ADGRV1: variants seen among roughly 807,000 people sequenced by gnomAD.
ADGRV1 encodes adhesion G protein-coupled receptor V1, also known as G-protein coupled receptor 98.
A neutral mutation model predicts 596.2 loss-of-function variants in ADGRV1; 359 were observed. That is an observed-to-expected ratio of 0.60 (90% CI 0.55 to 0.66). The LOEUF (loss-of-function observed/expected upper bound fraction) is 0.66. ADGRV1 is among the 30% of genes least tolerant of loss of function. The pLI, the probability that ADGRV1 is intolerant of heterozygous loss-of-function variation, is 0.00. For synonymous variants in ADGRV1, 2,681 were observed against 2,679.2 expected (o/e 1.00, Z -0.02); for missense variants, 7,274 against 7,575.6 (o/e 0.96, Z 1.48).
chr5:91,095,863 A>C (rs1233412607), intron 86 of ADGRV1, among the ~76,000 whole-genome samples: 1 of 151,744 alleles, frequency 6.6e-6, no homozygotes, highest in African/African-American at 2.4e-5. Flanking sequence ...GCTCACCGCA[A>C]CCTCCACCTC....
chr5:91,153,363 A>G lies in ADGRV1; in HGVS notation c.18767A>G (p.Gln6256Arg). The change falls in exon 89 of 90, where the codon CAG (glutamine) becomes CGG (arginine). Residue 6256 changes from glutamine to arginine, a missense_variant. By Grantham distance (43) the Gln-to-Arg change is conservative (BLOSUM62 1). Around this residue, in one of 5 missense-constraint regions of ADGRV1, gnomAD observed 1,874 missense variants for 1,970.2 expected, o/e 0.95. Transcript: ENST00000405460. ...QGSLIADEES[Q>R]EFDDLIFALK... The stretch of plus-strand genomic sequence containing the variant: ...TCACTGATAGCCGATGAGGAGTCCC[A>G]GGAGTTTGATGATTTAATATTTGCA... The G allele has an allele frequency of 6.2e-7, 1 of 1,610,208 alleles. No individual in the cohort carries two copies. The highest frequency in any genetic ancestry group is 8.5e-7 in the Non-Finnish European group (1 of 1,178,154).
chr5:90,854,930 A>G (rs1036879295), intron 81 of ADGRV1, among the ~76,000 whole-genome samples: 1 of 152,224 alleles, frequency 6.6e-6, no homozygotes, highest in Non-Finnish European at 1.5e-5. Context: ...TCTTAAAAAA[A>G]TTCCACTTGA....
intron 75 of ADGRV1, among the ~76,000 whole-genome samples, chr5:90,816,242 T>C (rs1171747606): frequency 6.6e-6 from 1 of 152,158 alleles, no homozygotes; most frequent in African/African-American, 2.4e-5. Context: ...GTGGAAGTGT[T>C]GTTTCTTTAG....
chr5:90,613,186 G>A lies in ADGRV1; in HGVS notation c.23-1649G>A, dbSNP rs639607. Reference sequence around the variant, plus strand: ...CTGTCACGTCTCCTGTTCAAGGACTGTAGATTTTTCTTTCAAAATCACAGT... The same window carrying A: ...CTGTCACGTCTCCTGTTCAAGGACTATAGATTTTTCTTTCAAAATCACAGT... On this transcript the variant is annotated intron_variant, in intron 1 of 89. Coordinates refer to ENST00000405460, the MANE Select transcript of ADGRV1 (RefSeq NM_032119.4). Among the ~76,000 whole-genome samples, 53 of 152,178 alleles carry A rather than the reference G, an allele frequency of 3.5e-4. 1 individual carries two copies. In the South Asian group the frequency reaches 0.01, roughly 30 times the overall value.
At position 90,614,864 on chromosome 5, in the gene ADGRV1, C is replaced by T. The variant is rs765053836; in HGVS notation, c.52C>T (p.Leu18Phe). Reference protein sequence around the residue: ...GMPSASLLVNLLSALLILFVF... With the variant: ...GMPSASLLVNFLSALLILFVF... Reference sequence around the variant, plus strand: ...GCCCTCTGCATCTTTATTAGTAAATCTTCTTTCAGCTTTACTCATCCTATT... The same window carrying T: ...GCCCTCTGCATCTTTATTAGTAAATTTTCTTTCAGCTTTACTCATCCTATT... The change falls in exon 2 of 90, where the codon CTT becomes TTT. Residue 18 changes from leucine (L) to phenylalanine (F), a missense_variant. Physicochemically the swap from Leu to Phe is conservative, Grantham distance 22. Around this residue, in one of 5 missense-constraint regions of ADGRV1, gnomAD observed 1,715 missense variants for 1,708.8 expected, o/e 1.00. Coordinates refer to ENST00000405460, the MANE Select transcript of ADGRV1 (RefSeq NM_032119.4). 16 of 1,610,020 alleles carry T rather than the reference C, an allele frequency of 9.9e-6. 1 individual carries two copies. The South Asian group carries it at 1.8e-4, about 18-fold the overall frequency.
intron 2 of ADGRV1, among the ~76,000 whole-genome samples, chr5:90,616,337 T>C (rs1451687913): frequency 6.6e-6 from 1 of 152,116 alleles, no homozygotes; most frequent in Non-Finnish European, 1.5e-5. Flanking sequence ...ACTGAGAATC[T>C]TACCAGTAAT....
At chr5:91,103,633 T>G (rs895810336) in intron 87 of ADGRV1, among the ~76,000 whole-genome samples, 6 of 152,180 alleles carry the variant, frequency 3.9e-5, no homozygotes, top group African/African-American at 1.4e-4. Context: ...GATTTTCAAA[T>G]AGTTGCTTCA....
chr5:91,108,376 G>A (rs1038724872), intron 87 of ADGRV1, among the ~76,000 whole-genome samples: 30 of 151,994 alleles, frequency 2.0e-4, no homozygotes, highest in African/African-American at 6.3e-4. Flanking sequence ...AGCATATTAT[G>A]TATCTTATAC....
intron 81 of ADGRV1, 76 bp downstream of exon 81, chr5:90,854,277 C>T (rs1766814676): frequency 5.5e-6 from 6 of 1,090,810 alleles, no homozygotes; most frequent in South Asian, 1.7e-5. Flanking sequence ...ATGTTTTGTA[C>T]TGAGCATAGA....
chr5:90,935,233 A>T (rs1310678466), intron 83 of ADGRV1, among the ~76,000 whole-genome samples: 1 of 152,230 alleles, frequency 6.6e-6, no homozygotes, highest in Non-Finnish European at 1.5e-5. Flanking sequence ...AGGCTCTCCA[A>T]TGAGAAATTA....
chr5:90,750,668 A>T lies in ADGRV1; in HGVS notation c.11092A>T (p.Ile3698Phe). ...ITIAWEADGS[I>F]SDIFPTSGVI... is the part of the protein sequence containing the mutation. ...CATAGCATGGGAAGCTGATGGAAGTATTAGTGATATATTTCCTACCTCAGG... is the reference window on the plus strand; with the variant it reads ...CATAGCATGGGAAGCTGATGGAAGTTTTAGTGATATATTTCCTACCTCAGG... Residue 3698 changes from isoleucine to phenylalanine, a missense_variant, in exon 53 of 90, where the codon ATT becomes TTT. Transcript: ENST00000405460. The T allele has an allele frequency of 1.2e-6, 2 of 1,612,612 alleles. No individual in the cohort carries two copies. Among genetic ancestry groups the T allele is most frequent in the Non-Finnish European group, 1.7e-6 (2 of 1,178,726 alleles).
At chr5:90,797,603 A>G (rs1760888004) in intron 70 of ADGRV1, among the ~76,000 whole-genome samples, 1 of 152,184 alleles carries the variant, frequency 6.6e-6, no homozygotes, top group South Asian at 2.1e-4. Flanking sequence ...TCAGGACTTG[A>G]ACTCAGCTCT....
chr5:90,855,983 G>A, intron 82 of ADGRV1, 82 bp downstream of exon 82: 1 of 1,122,310 alleles, frequency 8.9e-7, no homozygotes, highest in South Asian at 1.4e-5. Context: ...TTTTACGTAT[G>A]CAAGATGCAA....
chr5:91,124,362 T>G (rs1455748808), intron 87 of ADGRV1, among the ~76,000 whole-genome samples: 1 of 152,202 alleles, frequency 6.6e-6, no homozygotes, highest in Non-Finnish European at 1.5e-5. Context: ...AATAAAATTT[T>G]TAAATGTTTG....
At chr5:90,588,754 A>G (rs906805931) in intron 1 of ADGRV1, among the ~76,000 whole-genome samples, 1 of 152,222 alleles carries the variant, frequency 6.6e-6, no homozygotes, top group African/African-American at 2.4e-5. Context: ...TAAACCACAA[A>G]TGAATATCTA....
rs2149696214 is a variant in ADGRV1, at chr5:90,706,252, C to A, written c.8588C>A (p.Thr2863Asn). 1 of 1,612,340 alleles carries A rather than the reference C, an allele frequency of 6.2e-7. No individual in the cohort carries two copies. The highest frequency in any genetic ancestry group is 8.5e-7 in the Non-Finnish European group (1 of 1,179,288). ...GSLGAINVTY[T>N]TVPGMLSLKN... ...TTAGGAGCTATCAATGTCACATATA[C>A]CACGGTTCCTGGAATGCTGAGTCTG... Residue 2863 changes from threonine (T) to asparagine (N), a missense_variant, in exon 38 of 90, where the codon ACC becomes AAC. By Grantham distance (65) the Thr-to-Asn change is moderately conservative (BLOSUM62 0). Coordinates refer to ENST00000405460, the MANE Select transcript of ADGRV1 (RefSeq NM_032119.4).
chr5:91,000,199 C>T (rs963209213), intron 85 of ADGRV1, among the ~76,000 whole-genome samples: 2 of 152,038 alleles, frequency 1.3e-5, no homozygotes, highest in African/African-American at 2.4e-5. Flanking sequence ...CTGCTTATTT[C>T]ACTCAATGTT....
At chr5:90,861,634 C>T (rs1023527999) in intron 82 of ADGRV1, among the ~76,000 whole-genome samples, 2 of 151,966 alleles carry the variant, frequency 1.3e-5, no homozygotes, top group African/African-American at 4.8e-5. Flanking sequence ...AAAAATCATT[C>T]TATTTATAGT....
intron 83 of ADGRV1, among the ~76,000 whole-genome samples, chr5:90,927,856 T>G (rs1203180890): frequency 5.3e-5 from 8 of 152,248 alleles, no homozygotes; most frequent in South Asian, 4.2e-4. Context: ...GCATTTGCTT[T>G]TCTGTAAAGT....
Sources: allele counts gnomAD v4.1 joint callset (sites outside exome capture counted in the v4.1 genomes callset), GRCh38; gene constraint gnomAD v4.1.1; regional missense constraint gnomAD v4.1.1; transcripts MANE v1.5; gene names NCBI Gene and HGNC (gene_info 2026-07-23, HGNC 2026-07-21).